The following PCNX3 variants were observed in gnomAD, a reference collection of about 807,000 sequenced individuals.
The protein encoded by PCNX3 is pecanex-like protein 3.
PCNX3 carries 58 observed loss-of-function variants against 207.2 expected under a neutral mutation model. The observed-to-expected ratio is 0.28, with a 90% CI of 0.23 to 0.35. The LOEUF (loss-of-function observed/expected upper bound fraction) is 0.35, where lower values mean the gene tolerates loss of function less well. PCNX3 is among the 10% of genes least tolerant of loss of function. PCNX3 has a pLI of 1.00. For synonymous variants in PCNX3, 1,337 were observed against 1,183.5 expected (o/e 1.13, Z -2.66); for missense variants, 2,410 against 2,774.4 (o/e 0.87, Z 2.95).
chr11:65,635,549 C>T lies in PCNX3; in HGVS notation c.5205C>T (p.Arg1735=), dbSNP rs978773111. 15 of 1,611,274 alleles carry T rather than the reference C, an allele frequency of 9.3e-6. No individual in the cohort carries two copies. Among genetic ancestry groups the T allele is most frequent in the East Asian group, 8.9e-5 (4 of 44,872 alleles). Residue 1735 remains arginine (R), a synonymous_variant, in exon 32 of 35, where the codon CGC becomes CGT. Coordinates refer to ENST00000355703, the MANE Select transcript of PCNX3 (RefSeq NM_032223.4). The surrounding 1 kb of genome is among the most constrained non-coding windows in gnomAD (Gnocchi z 9.9). ...RVIKVNRECV[R]GLWAGQQQEL... is the part of the protein sequence containing the mutation. ...CTCAGGTGAACCGGGAGTGCGTGCG[C>T]GGCCTGTGGGCCGGGCAGCAGCAGG...
chr11:65,620,979 C>T lies in PCNX3; in HGVS notation c.2235+13C>T, dbSNP rs371864346. ...GGAGATCCCGGAGGTGAGGAGCAGCCGGGGAAGGGCCGTGCCAGTGGGGCG... is the reference window on the plus strand; with the variant it reads ...GGAGATCCCGGAGGTGAGGAGCAGCTGGGGAAGGGCCGTGCCAGTGGGGCG... On this transcript the variant is annotated intron_variant, in intron 10 of 34. Transcript: ENST00000355703. 86 of 1,524,980 alleles carry T rather than the reference C, an allele frequency of 5.6e-5. No individual in the cohort carries two copies. The highest frequency in any genetic ancestry group is 9.8e-5 in the South Asian group (8 of 81,536). The allele number at this position is 1,524,980 out of a possible 1,614,324, so 94.5% of individuals were successfully genotyped here.
rs906320309 is a variant in PCNX3 at position 65,625,108 on chromosome 11, C to T, written c.2920-63C>T. 50 of 1,547,878 alleles carry T rather than the reference C, an allele frequency of 3.2e-5. No homozygotes were observed. Among genetic ancestry groups the T allele is most frequent in the African/African-American group, 5.4e-5 (4 of 73,444 alleles). ...CTGGGCTCAGCAGTGGCTTCTCACA[C>T]GGGGGCAGCCCGGGCCCCATGCTTA... On this transcript the variant is annotated intron_variant, in intron 16 of 34. Coordinates refer to ENST00000355703, the MANE Select transcript of PCNX3 (RefSeq NM_032223.4). This position sits in a 1 kb window ranked among gnomAD's most constrained non-coding sequence, Gnocchi z 5.6.
chr11:65,627,674 G>A, intron 22 of PCNX3, 92 bp downstream of exon 22: 7 of 1,460,926 alleles, frequency 4.8e-6, no homozygotes, highest in Non-Finnish European at 5.7e-6. Flanking sequence ...CTGAGGGCCT[G>A]TGGCCACCGC....
intron 2 of PCNX3, 111 bp from the exon 3 acceptor site, chr11:65,617,139 G>T: frequency 7.2e-7 from 1 of 1,388,134 alleles, no homozygotes; most frequent in Non-Finnish European, 9.9e-7. Context: ...TCCTGTGTTA[G>T]CCCTGGAATT....
At position 65,616,315 on chromosome 11, in the gene PCNX3, G is replaced by C. The variant is rs1415776604; in HGVS notation, c.4G>C (p.Gly2Arg). 1 of 1,581,798 alleles carries C rather than the reference G, an allele frequency of 6.3e-7. No individual in the cohort carries two copies. Among genetic ancestry groups the C allele is most frequent in the Non-Finnish European group, 8.6e-7 (1 of 1,168,906 alleles). ...CGCGGGCAGCAGCGGCGGGGCCATG[G>C]GGTCGCAGGTGTTGCAGATCCTGCG... is the stretch of plus-strand genomic sequence containing the variant. M[G>R]SQVLQILRQG... is the part of the protein sequence containing the mutation. Residue 2 changes from glycine (G) to arginine (R), a missense_variant, in exon 1 of 35, where the codon GGG becomes CGG. Coordinates refer to ENST00000355703, the MANE Select transcript of PCNX3 (RefSeq NM_032223.4).
intron 10 of PCNX3, 108 bp from the exon 11 acceptor site, chr11:65,622,137 C>T: frequency 5.4e-6 from 8 of 1,468,156 alleles, no homozygotes; most frequent in Non-Finnish European, 7.2e-6. Context: ...GACCGGTGTG[C>T]TGAAGGGGGG....
chr11:65,626,891 C>T lies in PCNX3; in HGVS notation c.3380-13C>T. 1 of 1,579,024 alleles carries T rather than the reference C, an allele frequency of 6.3e-7. No individual in the cohort carries two copies. The highest frequency in any genetic ancestry group is 8.6e-7 in the Non-Finnish European group (1 of 1,162,690). On this transcript the variant is annotated splice_polypyrimidine_tract_variant and intron_variant, in intron 20 of 34. Coordinates refer to ENST00000355703, the MANE Select transcript of PCNX3 (RefSeq NM_032223.4). Reference sequence around the variant, plus strand: ...GTGGAAGCCAGGTGCAGAGTCCTGGCCTCTCCACACAGGTGCCGCCCAGGT... The same window carrying T: ...GTGGAAGCCAGGTGCAGAGTCCTGGTCTCTCCACACAGGTGCCGCCCAGGT...
rs1185390604 is a variant in PCNX3 at position 65,637,384 on chromosome 11, T to TC, written c.*406_*407insC. The TC allele has an allele frequency of 1.4e-4, 25 of 179,888 alleles. No individual in the cohort carries two copies. Among genetic ancestry groups the TC allele is most frequent in the Admixed American group, 1.2e-3 (20 of 17,340 alleles). The allele number at this position is 179,888 out of a possible 1,614,324, so 11.1% of individuals were successfully genotyped here. A position where few individuals can be genotyped will look rare whatever the true frequency, so the allele number is the denominator to read the frequency against. ...TTTCCTTTTTTTTCTTTTCTTTTTT[T>TC]TTTTTTTTTTTGTGCTTCGGAGACA... On this transcript the variant is annotated 3_prime_UTR_variant, in exon 35 of 35. Transcript: ENST00000355703.
intron 8 of PCNX3, 134 bp from the exon 9 acceptor site, chr11:65,620,205 C>G: frequency 1.0e-6 from 1 of 1,003,260 alleles, no homozygotes; most frequent in Non-Finnish European, 1.4e-6. Context: ...CCTTTCCTCT[C>G]CAGAGGCTGG....
At chr11:65,627,604 A>C (rs746578637) in intron 22 of PCNX3, 22 bp downstream of exon 22, 2 of 1,612,448 alleles carry the variant, frequency 1.2e-6, no homozygotes, top group Non-Finnish European at 1.7e-6. Context: ...GCTGTGGCCC[A>C]GACCCCAGGC....
At chr11:65,628,414 T>C (rs1471879913) in intron 22 of PCNX3, among the ~76,000 whole-genome samples, 181 bp from the exon 23 acceptor site, 1 of 152,168 alleles carries the variant, frequency 6.6e-6, no homozygotes, top group Non-Finnish European at 1.5e-5. Flanking sequence ...AGGCAGGGGT[T>C]GCTAATGGCA....
rs1445642486 is a variant in PCNX3 at position 65,626,894 on chromosome 11, C to T, written c.3380-10C>T. On this transcript the variant is annotated splice_polypyrimidine_tract_variant and intron_variant, in intron 20 of 34. Coordinates refer to ENST00000355703, the MANE Select transcript of PCNX3 (RefSeq NM_032223.4). ...GAAGCCAGGTGCAGAGTCCTGGCCT[C>T]TCCACACAGGTGCCGCCCAGGTGAT... 1.3e-6 allele frequency: 2 copies of T among 1,580,902 alleles called. No individual in the cohort carries two copies. Among genetic ancestry groups the T allele is most frequent in the Admixed American group, 1.8e-5 (1 of 55,254 alleles).
intron 12 of PCNX3, 96 bp downstream of exon 12, chr11:65,623,740 A>G: frequency 6.5e-7 from 1 of 1,544,062 alleles, no homozygotes; most frequent in Non-Finnish European, 8.8e-7. Flanking sequence ...GCTGAAAGGT[A>G]GATAATTTGT....
At chr11:65,622,517 G>C (rs549194237) in intron 11 of PCNX3, among the ~76,000 whole-genome samples, 151 bp downstream of exon 11, 1 of 152,332 alleles carries the variant, frequency 6.6e-6, no homozygotes, top group Admixed American at 6.5e-5. Flanking sequence ...TGCAGTGGTG[G>C]TTTCTATGGT....
rs1364013074 is a variant in PCNX3, at chr11:65,623,564, C to T, written c.2431C>T (p.Leu811=). The stretch of plus-strand genomic sequence containing the variant: ...TGTGGCCTTCCTGGGCTACCTGCTG[C>T]TGCTCAAGGGCTTCTTCACTGACAT... ...SLVAFLGYLL[L]LKGFFTDIWV... Residue 811 remains leucine (L), a synonymous_variant, in exon 12 of 35, where the codon CTG becomes TTG. Coordinates refer to ENST00000355703, the MANE Select transcript of PCNX3 (RefSeq NM_032223.4). The T allele has an allele frequency of 6.2e-7, 1 of 1,613,866 alleles. No homozygotes were observed. The highest frequency in any genetic ancestry group is 1.3e-5 in the African/African-American group (1 of 74,924).
intron 26 of PCNX3, 66 bp downstream of exon 26, chr11:65,629,801 A>G (rs1395110850): frequency 2.7e-6 from 4 of 1,502,952 alleles, no homozygotes; most frequent in Non-Finnish European, 3.6e-6. Context: ...GCTGTGTTCA[A>G]TAGCACGTGC....
Position 65,616,158 on chromosome 11 carries a change from C to T in PCNX3, c.-154C>T, listed in dbSNP as rs1245126500. On this transcript the variant is annotated 5_prime_UTR_variant, in exon 1 of 35. Coordinates refer to ENST00000355703, the MANE Select transcript of PCNX3 (RefSeq NM_032223.4). Reference sequence around the variant, plus strand: ...GCCGGCCCCGCCCCCTGCTCGCACCCTCGCGCGGCCGAGCCCCCCTCCCCC... The same window carrying T: ...GCCGGCCCCGCCCCCTGCTCGCACCTTCGCGCGGCCGAGCCCCCCTCCCCC... 2 of 487,512 alleles carry T rather than the reference C, an allele frequency of 4.1e-6. No homozygotes were observed. Among genetic ancestry groups the T allele is most frequent in the Non-Finnish European group, 6.5e-6 (2 of 306,352 alleles). The allele number at this position is 487,512 out of a possible 1,614,324, so 30.2% of individuals were successfully genotyped here.
At position 65,637,377 on chromosome 11, in the gene PCNX3, C is replaced by CA; in HGVS notation, c.*399_*400insA. On this transcript the variant is annotated 3_prime_UTR_variant, in exon 35 of 35. Transcript: ENST00000355703. Reference sequence around the variant, plus strand: ...TTCTTTCTTTCCTTTTTTTTCTTTTCTTTTTTTTTTTTTTTTTTGTGCTTC... The same window carrying CA: ...TTCTTTCTTTCCTTTTTTTTCTTTTCATTTTTTTTTTTTTTTTTTGTGCTTC... The CA allele has an allele frequency of 7.6e-6, 1 of 131,672 alleles. No homozygotes were observed. The highest frequency in any genetic ancestry group is 1.6e-5 in the Non-Finnish European group (1 of 62,626). The allele number at this position is 131,672 out of a possible 1,614,324, so 8.2% of individuals were successfully genotyped here. A position where few individuals can be genotyped will look rare whatever the true frequency, so the allele number is the denominator to read the frequency against.
chr11:65,619,698 G>A (rs1263322898), intron 7 of PCNX3, 38 bp downstream of exon 7: 4 of 1,568,768 alleles, frequency 2.5e-6, no homozygotes, highest in South Asian at 1.1e-5. Flanking sequence ...GGCACCGGGG[G>A]CCGGGGAGGG....
Sources: allele counts gnomAD v4.1 joint callset (sites outside exome capture counted in the v4.1 genomes callset), GRCh38; gene constraint gnomAD v4.1.1; non-coding constraint Gnocchi (gnomAD v3.1); transcripts MANE v1.5; gene names NCBI Gene and HGNC (gene_info 2026-07-23, HGNC 2026-07-21).